KRIT1: variants seen among roughly 807,000 people sequenced by gnomAD.
KRIT1 encodes the protein krev interaction trapped protein 1.
In KRIT1, 45 loss-of-function variants were observed where a neutral mutation model predicts 95.8. The ratio of observed to expected loss-of-function variants is 0.47; its 90% confidence interval spans 0.37 to 0.60. The LOEUF (loss-of-function observed/expected upper bound fraction) is 0.60, where lower values mean the gene tolerates loss of function less well. KRIT1 is among the 20% of genes least tolerant of loss of function. KRIT1 has a pLI of 0.00. For synonymous variants in KRIT1, 282 were observed against 278.8 expected (o/e 1.01, Z -0.11); for missense variants, 788 against 877.5 (o/e 0.90, Z 1.29).
intron 17 of KRIT1, among the ~76,000 whole-genome samples, chr7:92,211,708 T>A (rs1792876700): frequency 6.6e-6 from 1 of 152,192 alleles, no homozygotes; most frequent in Admixed American, 6.5e-5. Context: ...GTGATGAATT[T>A]CCTAATTACC....
intron 1 of KRIT1, 91 bp downstream of exon 1, chr7:92,245,699 C>A (rs1293206947): frequency 6.6e-6 from 1 of 152,442 alleles, no homozygotes; most frequent in Non-Finnish European, 1.5e-5. Context: ...AACCCTCAGT[C>A]GCCAAAAGAA....
Position 92,234,066 on chromosome 7 carries a change from G to C in KRIT1, c.989+383C>G, listed in dbSNP as rs376120841. ...TTATAGCAAGACGCAAGGTCAAATCGTAAGTAGTTAACACATGCAAACTTC... is the reference window on the plus strand; with the variant it reads ...TTATAGCAAGACGCAAGGTCAAATCCTAAGTAGTTAACACATGCAAACTTC... On this transcript the variant is annotated intron_variant, in intron 10 of 18. Coordinates refer to ENST00000394505, the MANE Select transcript of KRIT1 (RefSeq NM_194454.3). 7.9e-5 allele frequency among the ~76,000 whole-genome samples: 12 copies of C among 152,152 alleles called. No homozygotes were observed. In the East Asian group the frequency reaches 9.6e-4, roughly 12 times the overall value.
chr7:92,234,607 G>C lies in KRIT1; in HGVS notation c.846-15C>G. 1 of 1,606,906 alleles carries C rather than the reference G, an allele frequency of 6.2e-7. No individual in the cohort carries two copies. Among genetic ancestry groups the C allele is most frequent in the Non-Finnish European group, 8.5e-7 (1 of 1,173,592 alleles). On this transcript the variant is annotated splice_polypyrimidine_tract_variant and intron_variant, in intron 9 of 18. Transcript: ENST00000394505. ...ACTGTCGTTCCCTAATCATTAAAAA[G>C]AAATTTTGAAAAATACAACAGGACT...
At chr7:92,226,860 G>T (rs1202636367) in intron 10 of KRIT1, among the ~76,000 whole-genome samples, 178 bp from the exon 11 acceptor site, 2 of 151,914 alleles carry the variant, frequency 1.3e-5, no homozygotes, top group Non-Finnish European at 2.9e-5. Flanking sequence ...AATGATTAGG[G>T]GTTTCTTATT....
intron 17 of KRIT1, among the ~76,000 whole-genome samples, chr7:92,208,580 C>T (rs1792075433): frequency 6.6e-6 from 1 of 151,888 alleles, no homozygotes. Context: ...CTATTAGGAC[C>T]AATGATAGGC....
chr7:92,199,318 C>T (rs1173738443), downstream of KRIT1: 1 of 152,024 alleles, frequency 6.6e-6, no homozygotes, highest in Non-Finnish European at 1.5e-5. Flanking sequence ...ACATATAGTA[C>T]CATTAAAAAT....
At chr7:92,237,905 T>G (rs967119509) in intron 5 of KRIT1, 146 bp from the exon 6 acceptor site, 1 of 600,014 alleles carries the variant, frequency 1.7e-6, no homozygotes, top group African/African-American at 1.9e-5. Flanking sequence ...TATGTACTAA[T>G]AAAAACTGAT....
chr7:92,238,531 C>T (rs1280718904), intron 5 of KRIT1, among the ~76,000 whole-genome samples: 2 of 152,086 alleles, frequency 1.3e-5, no homozygotes, highest in South Asian at 2.1e-4. Context: ...ATATTATAGC[C>T]TCCAATTATT....
At chr7:92,236,584 T>A in intron 6 of KRIT1, 42 bp from the exon 7 acceptor site, 2 of 1,239,298 alleles carry the variant, frequency 1.6e-6, no homozygotes, top group Non-Finnish European at 1.2e-6. Context: ...ATATAAAAGG[T>A]TTACATCTGC....
At chr7:92,208,674 A>G (rs966923273) in intron 17 of KRIT1, among the ~76,000 whole-genome samples, 1 of 152,134 alleles carries the variant, frequency 6.6e-6, no homozygotes, top group African/African-American at 2.4e-5. Flanking sequence ...GGAAAAGAAA[A>G]CCTCAACAGA....
chr7:92,226,681 A>G lies in KRIT1; in HGVS notation c.991T>C (p.Tyr331His). ...ATGCGAGTGGCCTCAACTTTTCCAT[A>G]CCTGTATAAAAAAACAAACAAACAA... ...HWAPIHYACW[Y>H]GKVEATRILL... The change falls in exon 11 of 19, where the codon TAT (tyrosine) becomes CAT (histidine). Residue 331 changes from tyrosine to histidine, a missense_variant and splice_region_variant. Around this residue, in one of 3 missense-constraint regions of KRIT1, gnomAD observed 493 missense variants for 582.3 expected, o/e 0.85. Transcript: ENST00000394505. 6.2e-7 allele frequency: 1 copy of G among 1,612,796 alleles called. No individual in the cohort carries two copies. Among genetic ancestry groups the G allele is most frequent in the Non-Finnish European group, 8.5e-7 (1 of 1,179,406 alleles).
chr7:92,242,738 G>C (rs980187997), intron 3 of KRIT1, among the ~76,000 whole-genome samples: 1 of 152,192 alleles, frequency 6.6e-6, no homozygotes, highest in African/African-American at 2.4e-5. Context: ...AAACTATTTG[G>C]TCAGTTGATA....
At chr7:92,209,162 CCT>C (rs1792228828) in intron 17 of KRIT1, among the ~76,000 whole-genome samples, 2 of 151,242 alleles carry the variant, frequency 1.3e-5, no homozygotes, top group South Asian at 2.1e-4. Context: ...AAAAAAAAAA[CCT>C]CTCAGCGAAT....
In KRIT1 at chr7:92,237,760, C is replaced by G. The variant is rs897929960; in HGVS notation, c.263-1G>C. The G allele has an allele frequency of 1.3e-6, 2 of 1,548,436 alleles. No homozygotes were observed. On this transcript the variant is annotated splice_acceptor_variant, in intron 5 of 18. Transcript: ENST00000394505. LOFTEE classifies it high-confidence loss of function. ...TTTTTCATTAGTACAACTCGTTTTCCTAATCATTTTTAAAAAGTTAGCAAA... is the reference window on the plus strand; with the variant it reads ...TTTTTCATTAGTACAACTCGTTTTCGTAATCATTTTTAAAAAGTTAGCAAA...
At chr7:92,246,071 C>T (rs1800950900), upstream of KRIT1, 1 of 281,508 alleles carries the variant, frequency 3.6e-6, no homozygotes, top group South Asian at 2.7e-5. Context: ...AGGGTGGTGG[C>T]GGTGGGGGTG....
At chr7:92,234,728 G>T in intron 9 of KRIT1, 80 bp downstream of exon 9, 2 of 1,110,952 alleles carry the variant, frequency 1.8e-6, no homozygotes, top group Non-Finnish European at 2.8e-6. Flanking sequence ...CATACAAATT[G>T]CATATATAAT....
intron 17 of KRIT1, among the ~76,000 whole-genome samples, chr7:92,211,731 T>C (rs1403017721): frequency 6.6e-6 from 1 of 152,158 alleles, no homozygotes; most frequent in Non-Finnish European, 1.5e-5. Flanking sequence ...GATTTGATCA[T>C]TACATATTAT....
At chr7:92,213,480 T>C (rs1793320652) in intron 16 of KRIT1, 79 bp from the exon 17 acceptor site, 1 of 912,532 alleles carries the variant, frequency 1.1e-6, no homozygotes, top group Non-Finnish European at 1.7e-6. Flanking sequence ...ATAGATCAAC[T>C]AAGCAGTTTC....
chr7:92,219,512 T>C (rs955786638), intron 14 of KRIT1, among the ~76,000 whole-genome samples: 2 of 152,246 alleles, frequency 1.3e-5, no homozygotes, highest in African/African-American at 4.8e-5. Flanking sequence ...TTTATCCTTA[T>C]GCTAGAGTAC....
Sources: allele counts gnomAD v4.1 joint callset (sites outside exome capture counted in the v4.1 genomes callset), GRCh38; gene constraint gnomAD v4.1.1; regional missense constraint gnomAD v4.1.1; transcripts MANE v1.5; gene names NCBI Gene and HGNC (gene_info 2026-07-23, HGNC 2026-07-21).